Variants in PCM1 observed in about 807,000 individuals in gnomAD.
PCM1 encodes the protein pericentriolar material 1 protein.
A neutral mutation model predicts 241.9 loss-of-function variants in PCM1; 157 were observed. The ratio of observed to expected loss-of-function variants is 0.65; its 90% CI spans 0.57 to 0.74. The LOEUF (loss-of-function observed/expected upper bound fraction) is 0.74, where lower values mean the gene tolerates loss of function less well. Ranked by LOEUF, PCM1 falls within the 30% of genes least tolerant of loss-of-function variation. The pLI is 0.00. For missense variants in PCM1, 3,478 were observed against 2,360.1 expected (o/e 1.47, Z -9.81); for synonymous variants, 1,085 against 784.9 (o/e 1.38, Z -6.39).
chr8:17,935,624 G>C lies in PCM1; in HGVS notation c.14G>C (p.Gly5Ala). 2 of 1,511,996 alleles carry C rather than the reference G, an allele frequency of 1.3e-6. No homozygotes were observed. The highest frequency in any genetic ancestry group is 1.8e-6 in the Non-Finnish European group (2 of 1,087,458). The allele number at this position is 1,511,996 out of a possible 1,614,324, so 93.7% of individuals were successfully genotyped here. MATG[G>A]GPFEDGMNDQ... is the part of the protein sequence containing the mutation. ...GTTAAATCCAGTATGGCCACAGGAGGAGGTCCCTTTGAAGATGGCATGAAT... is the reference window on the plus strand; with the variant it reads ...GTTAAATCCAGTATGGCCACAGGAGCAGGTCCCTTTGAAGATGGCATGAAT... Residue 5 changes from glycine (G) to alanine (A), a missense_variant, in exon 3 of 39, where the codon GGA (glycine) becomes GCA (alanine). By Grantham distance (60) the Gly-to-Ala change is moderately conservative. Transcript: ENST00000325083.
chr8:17,935,326 T>G (rs980015865), intron 2 of PCM1, among the ~76,000 whole-genome samples: 3 of 152,226 alleles, frequency 2.0e-5, no homozygotes, highest in Non-Finnish European at 2.9e-5. Context: ...AAGTAAGTAA[T>G]CTTCAAGCAT....
At chr8:17,996,501 C>T (rs2086807027) in intron 29 of PCM1, among the ~76,000 whole-genome samples, 1 of 151,994 alleles carries the variant, frequency 6.6e-6, no homozygotes, top group African/African-American at 2.4e-5. Flanking sequence ...TTTTCTTAGT[C>T]TGGTTAATGG....
chr8:18,020,207 G>C (rs1489838896), intron 36 of PCM1, among the ~76,000 whole-genome samples: 1 of 152,162 alleles, frequency 6.6e-6, no homozygotes, highest in East Asian at 1.9e-4. Context: ...ACTCAGAAAC[G>C]TGGAGGAAGC....
At chr8:17,949,697 G>C (rs1044604542) in intron 7 of PCM1, among the ~76,000 whole-genome samples, 3 of 152,010 alleles carry the variant, frequency 2.0e-5, no homozygotes, top group African/African-American at 7.2e-5. Flanking sequence ...GGGTCTCACT[G>C]TGGTGCCCAG....
intron 3 of PCM1, among the ~76,000 whole-genome samples, chr8:17,936,345 TTAAAA>T (rs1190232149): frequency 1.3e-5 from 2 of 152,124 alleles, no homozygotes; most frequent in Non-Finnish European, 2.9e-5. Context: ...GGGGGTTTTG[TTAAAA>T]TAAGGAAAAT....
At chr8:18,019,538 A>G (rs918944149) in intron 36 of PCM1, among the ~76,000 whole-genome samples, 11 of 152,202 alleles carry the variant, frequency 7.2e-5, no homozygotes, top group African/African-American at 2.4e-4. Context: ...CTGAAACTAG[A>G]TGGTCATATC....
chr8:18,001,753 A>C (rs530962572), intron 29 of PCM1, among the ~76,000 whole-genome samples: 1 of 152,098 alleles, frequency 6.6e-6, no homozygotes, highest in Non-Finnish European at 1.5e-5. Context: ...CATTGTGCTC[A>C]TATTTCTTCC....
chr8:18,017,572 G>A (rs2093344645), intron 36 of PCM1, among the ~76,000 whole-genome samples: 1 of 152,148 alleles, frequency 6.6e-6, no homozygotes, highest in Non-Finnish European at 1.5e-5. Flanking sequence ...CCCAAGGCTG[G>A]GCCAGGCATG....
chr8:17,964,991 G>A (rs1412974626), intron 18 of PCM1, among the ~76,000 whole-genome samples: 1 of 152,028 alleles, frequency 6.6e-6, no homozygotes, highest in East Asian at 1.9e-4. Context: ...TGGTCCCCAC[G>A]TTACCCACAC....
intron 2 of PCM1, among the ~76,000 whole-genome samples, chr8:17,929,874 A>C (rs2129446767): frequency 6.6e-6 from 1 of 152,344 alleles, no homozygotes; most frequent in East Asian, 1.9e-4. Context: ...TAGTCACAAC[A>C]GTATACTGTA....
At chr8:17,997,796 C>T (rs901480558) in intron 29 of PCM1, among the ~76,000 whole-genome samples, 6 of 150,544 alleles carry the variant, frequency 4.0e-5, no homozygotes, top group East Asian at 3.9e-4. Context: ...GAGGCTGGGG[C>T]GGGTGATCAC....
chr8:18,001,473 G>GCTT (rs2089400559), intron 29 of PCM1, among the ~76,000 whole-genome samples: 1 of 152,160 alleles, frequency 6.6e-6, no homozygotes, highest in Non-Finnish European at 1.5e-5. Flanking sequence ...GTATCAGACT[G>GCTT]GTAAGCAGTA....
At position 18,014,663 on chromosome 8, in the gene PCM1, T is replaced by G. The variant is rs2092948712; in HGVS notation, c.5664T>G (p.His1888Gln). 6.2e-7 allele frequency: 1 copy of G among 1,613,540 alleles called. No homozygotes were observed. Among genetic ancestry groups the G allele is most frequent in the Admixed American group, 1.7e-5 (1 of 59,994 alleles). ...AGCAACCTTTAAATAGTGCTGCCCA[T>G]AAGGAGTCACCTCCTACTGTTGATT... ...EDEQPLNSAAHKESPPTVDST... is the reference protein window; with the variant it reads ...EDEQPLNSAAQKESPPTVDST... Residue 1888 changes from histidine to glutamine, a missense_variant, in exon 36 of 39, where the codon CAT becomes CAG. By Grantham distance (24) the His-to-Gln change is conservative. Transcript: ENST00000325083.
rs1430004473 is a variant in PCM1, at chr8:17,952,150, GAGGCGGAGGTTTC to G, written c.1072-817_1072-805del. ...AGGCAGGAGAATCGCTTGAACCCAG[GAGGCGGAGGTTTC>G]AGTGAGTTGAGATCACGCCACTGCA... is the stretch of plus-strand genomic sequence containing the variant. On this transcript the variant is annotated intron_variant, in intron 8 of 38. Coordinates refer to ENST00000325083, the MANE Select transcript of PCM1 (RefSeq NM_006197.4). Among the ~76,000 whole-genome samples the G allele has an allele frequency of 2.0e-5, 3 of 151,986 alleles. No homozygotes were observed. The East Asian group carries it at 5.8e-4, about 29-fold the overall frequency.
intron 4 of PCM1, among the ~76,000 whole-genome samples, 155 bp downstream of exon 4, chr8:17,937,534 T>A (rs2060765212): frequency 6.6e-6 from 1 of 152,196 alleles, no homozygotes; most frequent in East Asian, 1.9e-4. Flanking sequence ...CTGGGGATGG[T>A]CCTGTCTTCT....
Position 18,028,145 on chromosome 8 carries a change from G to T in PCM1, c.*483G>T. On this transcript the variant is annotated 3_prime_UTR_variant, in exon 39 of 39. Coordinates refer to ENST00000325083, the MANE Select transcript of PCM1 (RefSeq NM_006197.4). Reference sequence around the variant, plus strand: ...ACTAATGCCAGTGTTGCTGCTGTTGGGTCTGATGTTCTTCTTTTAGATACC... The same window carrying T: ...ACTAATGCCAGTGTTGCTGCTGTTGTGTCTGATGTTCTTCTTTTAGATACC... 5.1e-6 allele frequency: 1 copy of T among 197,260 alleles called. No homozygotes were observed. The highest frequency in any genetic ancestry group is 1.0e-5 in the Non-Finnish European group (1 of 95,334). 12.2% of individuals were successfully genotyped at this position (197,260 alleles called of 1,614,324 possible). A position where few individuals can be genotyped will look rare whatever the true frequency, so the allele number is the denominator to read the frequency against.
intron 23 of PCM1, among the ~76,000 whole-genome samples, chr8:17,978,156 G>T (rs140688289): frequency 6.6e-6 from 1 of 152,240 alleles, no homozygotes; most frequent in East Asian, 1.9e-4. Context: ...GAGGACACGT[G>T]CTATTAAGTT....
intron 2 of PCM1, chr8:17,927,602 G>C (rs1312791395): frequency 1.3e-5 from 2 of 152,080 alleles, no homozygotes; most frequent in Non-Finnish European, 2.9e-5. Flanking sequence ...ACCCACTGGA[G>C]TGCAGCAGCG....
intron 4 of PCM1, among the ~76,000 whole-genome samples, chr8:17,937,718 T>C (rs2060813428): frequency 6.6e-6 from 1 of 152,194 alleles, no homozygotes; most frequent in Admixed American, 6.5e-5. Context: ...ATATATATCA[T>C]TGGCTAAGTG....
Sources: gnomAD v4.1 joint callset for allele counts (sites outside exome capture counted in the v4.1 genomes callset) on GRCh38, gnomAD v4.1.1 for gene constraint, MANE v1.5 for transcripts, NCBI Gene and HGNC (gene_info 2026-07-23, HGNC 2026-07-21) for gene names.